The following BRD10 variants were observed in gnomAD, a reference collection of about 807,000 sequenced individuals.
The protein encoded by BRD10 is bromodomain containing 10.
At chr9:5,889,722 T>C in the BRD10 span, among the ~76,000 whole-genome samples, 1 of 151,858 alleles carries the variant, frequency 6.6e-6, no homozygotes, top group African/African-American at 2.4e-5. Flanking sequence ...GAGGCAGAGG[T>C]TGTAGTGAGC....
chr9:5,965,056 T>TCAA, the BRD10 span, among the ~76,000 whole-genome samples: 1 of 118,278 alleles, frequency 8.5e-6, no homozygotes, highest in Non-Finnish European at 1.8e-5. Context: ...TAAAGTATAA[T>TCAA]AAAAAAAAAA....
At chr9:5,966,444 A>T in the BRD10 span, among the ~76,000 whole-genome samples, 1 of 144,504 alleles carries the variant, frequency 6.9e-6, no homozygotes, top group African/African-American at 2.6e-5. Flanking sequence ...TATTTTAGAG[A>T]CTAACATTTC....
chr9:5,885,009 G>C, the BRD10 span, among the ~76,000 whole-genome samples: 1 of 152,200 alleles, frequency 6.6e-6, no homozygotes, highest in Non-Finnish European at 1.5e-5. Context: ...GAGGCCAGCA[G>C]GCCACAGCTC....
the BRD10 span, among the ~76,000 whole-genome samples, chr9:5,956,801 A>G: frequency 2.6e-5 from 4 of 152,094 alleles, no homozygotes; most frequent in Non-Finnish European, 5.9e-5. Flanking sequence ...GAGTACTGTA[A>G]TTGTCTGTTC....
the BRD10 span, among the ~76,000 whole-genome samples, chr9:5,973,077 A>G: frequency 2.0e-5 from 3 of 152,248 alleles, no homozygotes; most frequent in East Asian, 3.8e-4. Flanking sequence ...GGGAAAAAAA[A>G]GTAGTAATAC....
chr9:5,951,301 A>G, the BRD10 span, among the ~76,000 whole-genome samples: 1 of 146,024 alleles, frequency 6.8e-6, no homozygotes, highest in Admixed American at 7.1e-5. Context: ...GCTGAGGTCA[A>G]AACATTTTTA....
chr9:5,918,642 CTTTT>C, the BRD10 span, among the ~76,000 whole-genome samples: 4 of 134,014 alleles, frequency 3.0e-5, no homozygotes, highest in East Asian at 2.2e-4. Context: ...CCGTTAGTGG[CTTTT>C]TTTTTTTTTT....
the BRD10 span, among the ~76,000 whole-genome samples, chr9:5,923,950 C>T: frequency 2.6e-5 from 4 of 152,270 alleles, no homozygotes; most frequent in South Asian, 2.1e-4. Context: ...ATTTACATAA[C>T]GTAATCTGAT....
At chr9:5,893,200 G>A in the BRD10 span, among the ~76,000 whole-genome samples, 1 of 152,170 alleles carries the variant, frequency 6.6e-6, no homozygotes, top group African/African-American at 2.4e-5. Context: ...ATTAATTTCA[G>A]CAAATGTAAG....
the BRD10 span, among the ~76,000 whole-genome samples, chr9:5,982,656 C>T: frequency 1.8e-4 from 28 of 152,314 alleles, no homozygotes; most frequent in Non-Finnish European, 3.7e-4. Flanking sequence ...GACTTCACAT[C>T]CTCTGTAACT....
the BRD10 span, chr9:5,933,742 G>C: frequency 1.3e-5 from 6 of 470,060 alleles, no homozygotes; most frequent in Non-Finnish European, 2.7e-5. Context: ...AGTCGGGAGG[G>C]AAACTTACCT....
At chr9:5,906,338 A>AAAG in the BRD10 span, among the ~76,000 whole-genome samples, 1 of 150,030 alleles carries the variant, frequency 6.7e-6, no homozygotes, top group Admixed American at 6.6e-5. Flanking sequence ...TCAAAAAAAA[A>AAAG]AAAAGAAAAG....
the BRD10 span, among the ~76,000 whole-genome samples, chr9:5,887,455 G>A: frequency 6.6e-6 from 1 of 152,172 alleles, no homozygotes; most frequent in Admixed American, 6.5e-5. Flanking sequence ...CAGAGAACTT[G>A]AATGAGACCT....
the BRD10 span, among the ~76,000 whole-genome samples, chr9:5,937,362 C>A: frequency 6.6e-6 from 1 of 151,758 alleles, no homozygotes; most frequent in South Asian, 2.1e-4. Context: ...TATGGTGAAA[C>A]CATCTCTACT....
the BRD10 span, among the ~76,000 whole-genome samples, chr9:5,992,526 C>A: frequency 5.1e-5 from 2 of 39,178 alleles, no homozygotes; most frequent in African/African-American, 7.7e-5. Context: ...AATAGCTCTC[C>A]CATTGCAAAA....
the BRD10 span, chr9:5,967,907 G>T: frequency 1.5e-6 from 1 of 660,604 alleles, no homozygotes; most frequent in East Asian, 2.7e-5. Flanking sequence ...AAATATACAC[G>T]CATGCATACA....
chr9:5,944,993 CACATA>C, the BRD10 span: 1,130 of 1,147,494 alleles, frequency 9.8e-4, 2 homozygotes, highest in Non-Finnish European at 1.3e-3. Context: ...AGCTTGATAA[CACATA>C]ATATAAAACA....
the BRD10 span, chr9:5,920,998 T>C: frequency 3.1e-6 from 5 of 1,613,860 alleles, no homozygotes; most frequent in Non-Finnish European, 3.4e-6. Flanking sequence ...CTGAGGTCAC[T>C]GGAAAGGAAC....
chr9:5,935,650 G>C, the BRD10 span, among the ~76,000 whole-genome samples: 45 of 152,290 alleles, frequency 3.0e-4, no homozygotes, highest in East Asian at 8.1e-3. Flanking sequence ...ACAATTCACA[G>C]CACAATCTAA....
Sources: allele counts gnomAD v4.1 joint callset (sites outside exome capture counted in the v4.1 genomes callset), GRCh38; gene constraint gnomAD v4.1.1; transcripts MANE v1.5; gene names NCBI Gene and HGNC (gene_info 2026-07-23, HGNC 2026-07-21).